The following WWC2 variants were observed in gnomAD, a reference collection of about 807,000 sequenced individuals.
WWC2 encodes the protein WW and C2 domain containing 2, also known as protein WWC2.
Under a neutral mutation model 138.5 loss-of-function variants are expected in WWC2, and 101 were observed. The ratio of observed to expected loss-of-function variants is 0.73; its 90% CI spans 0.62 to 0.86. The LOEUF (loss-of-function observed/expected upper bound fraction) is 0.86. Ranked by LOEUF, WWC2 falls within the 40% of genes least tolerant of loss-of-function variation. The probability of loss-of-function intolerance (pLI) is 0.00; values close to 1 mark genes in which losing one functional copy is unlikely to be tolerated. For synonymous variants in WWC2, 558 were observed against 538.4 expected (o/e 1.04, Z -0.50); for missense variants, 1,420 against 1,419.4 (o/e 1.00, Z -0.01).
rs116127845 is a variant in WWC2, at chr4:183,312,162, A to C, written c.3385-179A>C. On this transcript the variant is annotated intron_variant, in intron 21 of 22. Coordinates refer to ENST00000403733, the MANE Select transcript of WWC2 (RefSeq NM_024949.6). ...CTTACCCCAAAATCAACATATGCACAGCATGAGTTGGTCATGTGGGTGTTG... is the reference window on the plus strand; with the variant it reads ...CTTACCCCAAAATCAACATATGCACCGCATGAGTTGGTCATGTGGGTGTTG... Among the ~76,000 whole-genome samples the C allele has an allele frequency of 2.4e-3, 361 of 152,362 alleles. 2 individuals carry two copies. The highest frequency in any genetic ancestry group is 8.4e-3 in the African/African-American group (349 of 41,580).
At chr4:183,307,916 T>G (rs943008694) in intron 21 of WWC2, among the ~76,000 whole-genome samples, 2 of 152,178 alleles carry the variant, frequency 1.3e-5, no homozygotes, top group African/African-American at 4.8e-5. Context: ...AGCATTGTCT[T>G]TGTTTGTCTT....
intron 1 of WWC2, among the ~76,000 whole-genome samples, chr4:183,150,600 G>C (rs930436392): frequency 1.3e-5 from 2 of 151,890 alleles, no homozygotes; most frequent in African/African-American, 2.4e-5. Context: ...AACATGCAGG[G>C]TTGTGTGCTG....
intron 4 of WWC2, among the ~76,000 whole-genome samples, chr4:183,226,003 G>A (rs1014189545): frequency 6.6e-6 from 1 of 151,812 alleles, no homozygotes; most frequent in Non-Finnish European, 1.5e-5. Flanking sequence ...TGAGCATACT[G>A]TCCAGCCTGG....
At chr4:183,155,189 G>GGGGAGAGAGA (rs1554067851) in intron 1 of WWC2, among the ~76,000 whole-genome samples, 8 of 103,736 alleles carry the variant, frequency 7.7e-5, no homozygotes, top group African/African-American at 2.7e-4. Context: ...CATCTTCTGA[G>GGGGAGAGAGA]GAGAGAGAGA....
At position 183,102,733 on chromosome 4, in the gene WWC2, C is replaced by T. The variant is rs769970967; in HGVS notation, c.131+3111C>T. ...TTGTGATTAATTCCTTGTCCCCCTA[C>T]CCTGCCTGCATGGGCCCACTCCCCG... is the stretch of plus-strand genomic sequence containing the variant. On this transcript the variant is annotated intron_variant, in intron 1 of 22. Coordinates refer to ENST00000403733, the MANE Select transcript of WWC2 (RefSeq NM_024949.6). Among the ~76,000 whole-genome samples, 7 of 152,156 alleles carry T rather than the reference C, an allele frequency of 4.6e-5. No homozygotes were observed. In the South Asian group the frequency reaches 6.2e-4, roughly 14 times the overall value.
chr4:183,169,138 A>G (rs1318004516), intron 1 of WWC2, among the ~76,000 whole-genome samples: 1 of 152,252 alleles, frequency 6.6e-6, no homozygotes, highest in African/African-American at 2.4e-5. Flanking sequence ...GTGAACCACC[A>G]CGCCCAGCCT....
intron 1 of WWC2, among the ~76,000 whole-genome samples, chr4:183,139,576 A>T (rs1733230118): frequency 6.6e-6 from 1 of 152,188 alleles, no homozygotes; most frequent in African/African-American, 2.4e-5. Flanking sequence ...ATGAGCAACC[A>T]CAAAGAACAG....
chr4:183,150,549 T>C (rs1287255305), intron 1 of WWC2, among the ~76,000 whole-genome samples: 3 of 152,202 alleles, frequency 2.0e-5, no homozygotes, highest in Non-Finnish European at 4.4e-5. Flanking sequence ...AACTAAACTT[T>C]TTAAAATTAT....
chr4:183,200,788 G>A (rs1735275498), intron 2 of WWC2, among the ~76,000 whole-genome samples: 1 of 152,196 alleles, frequency 6.6e-6, no homozygotes, highest in African/African-American at 2.4e-5. Flanking sequence ...AGAAGAATCA[G>A]GGAGAGAGAG....
chr4:183,253,012 A>G (rs1405166469), intron 8 of WWC2, among the ~76,000 whole-genome samples: 3 of 152,114 alleles, frequency 2.0e-5, no homozygotes, highest in Non-Finnish European at 4.4e-5. Flanking sequence ...GACCACAGGC[A>G]CACACATCAC....
chr4:183,163,829 G>C (rs897241896), intron 1 of WWC2, among the ~76,000 whole-genome samples: 14 of 152,090 alleles, frequency 9.2e-5, no homozygotes, highest in African/African-American at 3.4e-4. Flanking sequence ...CTAGCTATTG[G>C]GTGCCTCAAA....
intron 1 of WWC2, among the ~76,000 whole-genome samples, chr4:183,116,991 C>G (rs1349178019): frequency 6.6e-6 from 1 of 151,944 alleles, no homozygotes. Context: ...GCTATAAATC[C>G]TCTTCATTCC....
chr4:183,250,960 A>G (rs1255761410), intron 8 of WWC2, among the ~76,000 whole-genome samples: 1 of 152,206 alleles, frequency 6.6e-6, no homozygotes, highest in East Asian at 1.9e-4. Flanking sequence ...AATAAATACA[A>G]TATTCACCTC....
intron 22 of WWC2, among the ~76,000 whole-genome samples, chr4:183,314,366 A>G (rs994311689): frequency 6.6e-6 from 1 of 152,222 alleles, no homozygotes; most frequent in Non-Finnish European, 1.5e-5. Context: ...ACCTGAAGCA[A>G]AGAATCCACG....
intron 21 of WWC2, among the ~76,000 whole-genome samples, chr4:183,301,857 T>C (rs1024995806): frequency 8.5e-5 from 13 of 152,244 alleles, no homozygotes; most frequent in African/African-American, 3.1e-4. Context: ...GTGTATGTCC[T>C]TCCAGCTATT....
At chr4:183,232,617 C>T (rs1379618940) in intron 4 of WWC2, among the ~76,000 whole-genome samples, 2 of 152,138 alleles carry the variant, frequency 1.3e-5, no homozygotes, top group African/African-American at 4.8e-5. Context: ...ATCCCCTGTA[C>T]TGCCAAATAA....
At position 183,128,342 on chromosome 4, in the gene WWC2, A is replaced by C. The variant is rs550645974; in HGVS notation, c.131+28720A>C. Among the ~76,000 whole-genome samples the C allele has an allele frequency of 2.1e-4, 32 of 151,038 alleles. No homozygotes were observed. The East Asian group carries it at 5.6e-3, about 27-fold the overall frequency. On this transcript the variant is annotated intron_variant, in intron 1 of 22. Coordinates refer to ENST00000403733, the MANE Select transcript of WWC2 (RefSeq NM_024949.6). Reference sequence around the variant, plus strand: ...CGACAGAGCGAGACTGTCTCAAAGAAAAAAAAAAGAAGAAGACAAAAATTA... The same window carrying C: ...CGACAGAGCGAGACTGTCTCAAAGACAAAAAAAAGAAGAAGACAAAAATTA...
intron 1 of WWC2, among the ~76,000 whole-genome samples, chr4:183,168,570 T>A (rs1389749100): frequency 6.6e-6 from 1 of 152,126 alleles, no homozygotes; most frequent in Non-Finnish European, 1.5e-5. Flanking sequence ...ACCTTTCCTA[T>A]AGAGCTTTAT....
At chr4:183,117,419 C>T (rs953797027) in intron 1 of WWC2, among the ~76,000 whole-genome samples, 2 of 151,626 alleles carry the variant, frequency 1.3e-5, no homozygotes, top group African/African-American at 4.8e-5. Flanking sequence ...TGGGGTTTCA[C>T]CATATTGGTC....
Sources: gnomAD v4.1 joint callset for allele counts (sites outside exome capture counted in the v4.1 genomes callset) on GRCh38, gnomAD v4.1.1 for gene constraint, MANE v1.5 for transcripts, NCBI Gene and HGNC (gene_info 2026-07-23, HGNC 2026-07-21) for gene names.